The following ME1 variants were observed in gnomAD, a reference collection of about 807,000 sequenced individuals.
ME1 encodes NADP-dependent malic enzyme.
A neutral mutation model predicts 66.4 loss-of-function variants in ME1; 74 were observed. That is an observed-to-expected ratio of 1.11 (90% CI 0.92 to 1.35). ME1 has a LOEUF of 1.35. ME1 is among the 40% of genes most tolerant of loss of function. ME1 has a pLI of 0.00. For missense variants in ME1, 750 were observed against 694.1 expected, an observed-to-expected ratio of 1.08 and a Z score of -0.90; for synonymous variants, 251 against 235.6, an observed-to-expected ratio of 1.07 and a Z score of -0.60.
intron 4 of ME1, among the ~76,000 whole-genome samples, chr6:83,350,618 G>T (rs1768781232): frequency 6.6e-6 from 1 of 151,850 alleles, no homozygotes; most frequent in Admixed American, 6.6e-5. Context: ...CCAAGTAGCT[G>T]GGACTACAGG....
intron 5 of ME1, among the ~76,000 whole-genome samples, chr6:83,315,872 G>A (rs1167071196): frequency 6.6e-6 from 1 of 151,898 alleles, no homozygotes; most frequent in Admixed American, 6.6e-5. Context: ...ACTCCAGCCT[G>A]GGCAACAGAA....
At chr6:83,262,201 G>A (rs1766912776) in intron 6 of ME1, among the ~76,000 whole-genome samples, 2 of 152,106 alleles carry the variant, frequency 1.3e-5, no homozygotes. Context: ...GGGGAGATGA[G>A]TATGTGAAAG....
chr6:83,322,215 C>G (rs1035214087), intron 5 of ME1, among the ~76,000 whole-genome samples: 3 of 152,144 alleles, frequency 2.0e-5, no homozygotes, highest in African/African-American at 7.2e-5. Context: ...CACAAAAAGG[C>G]TGAAAATTCC....
At chr6:83,407,129 T>C (rs567542454) in intron 2 of ME1, among the ~76,000 whole-genome samples, 1 of 152,142 alleles carries the variant, frequency 6.6e-6, no homozygotes, top group Admixed American at 6.6e-5. Flanking sequence ...GCTGTTGTTC[T>C]CTCTAATCCA....
At chr6:83,298,103 G>T (rs1340408757) in intron 6 of ME1, among the ~76,000 whole-genome samples, 1 of 152,136 alleles carries the variant, frequency 6.6e-6, no homozygotes, top group East Asian at 1.9e-4. Flanking sequence ...GGGTCAAATG[G>T]TTTTTCTGGT....
chr6:83,298,742 A>G (rs1767650388), intron 6 of ME1, among the ~76,000 whole-genome samples: 1 of 151,778 alleles, frequency 6.6e-6, no homozygotes. Context: ...TAATTTTTGT[A>G]TAATGTGTAA....
intron 3 of ME1, among the ~76,000 whole-genome samples, chr6:83,397,838 G>A (rs916083244): frequency 6.6e-6 from 1 of 152,158 alleles, no homozygotes; most frequent in Non-Finnish European, 1.5e-5. Context: ...CAATACAGAT[G>A]AACCTTTAGG....
intron 7 of ME1, among the ~76,000 whole-genome samples, chr6:83,249,232 T>C (rs931229887): frequency 6.6e-6 from 1 of 151,854 alleles, no homozygotes; most frequent in Non-Finnish European, 1.5e-5. Flanking sequence ...TTATTATATA[T>C]ATACTTTTTT....
intron 3 of ME1, among the ~76,000 whole-genome samples, chr6:83,366,412 T>A (rs780939274): frequency 6.6e-6 from 1 of 152,130 alleles, no homozygotes; most frequent in African/African-American, 2.4e-5. Flanking sequence ...ATTTTTCACT[T>A]TCTTATATGT....
chr6:83,235,420 T>C (rs899168881), intron 9 of ME1, among the ~76,000 whole-genome samples: 4 of 151,884 alleles, frequency 2.6e-5, no homozygotes, highest in African/African-American at 9.7e-5. Flanking sequence ...TGTCACATGA[T>C]GACAGTGTAC....
intron 6 of ME1, among the ~76,000 whole-genome samples, chr6:83,277,050 T>C (rs1417206772): frequency 2.0e-5 from 3 of 152,366 alleles, no homozygotes; most frequent in South Asian, 4.1e-4. Context: ...TGTATTGAAG[T>C]AAACTGCATC....
intron 11 of ME1, 122 bp downstream of exon 11, chr6:83,227,213 T>C: frequency 1.9e-6 from 1 of 529,964 alleles, no homozygotes; most frequent in Non-Finnish European, 3.0e-6. Flanking sequence ...ATTTGTGTGC[T>C]TTTCTTTCCA....
At chr6:83,300,579 A>ATAT (rs1767695215) in intron 6 of ME1, among the ~76,000 whole-genome samples, 1 of 145,668 alleles carries the variant, frequency 6.9e-6, no homozygotes, top group Non-Finnish European at 1.5e-5. Context: ...ACATCAACAA[A>ATAT]TATTTTTCTT....
chr6:83,231,110 A>G (rs1179943716), intron 9 of ME1, among the ~76,000 whole-genome samples: 1 of 152,206 alleles, frequency 6.6e-6, no homozygotes, highest in Non-Finnish European at 1.5e-5. Context: ...TGGAAGTCAC[A>G]GCTTTTTTGG....
chr6:83,339,837 G>A (rs1768540207), intron 5 of ME1, among the ~76,000 whole-genome samples: 1 of 114,870 alleles, frequency 8.7e-6, no homozygotes, highest in Non-Finnish European at 1.8e-5. Flanking sequence ...GGGGGAGGGG[G>A]GAGGGATAGC....
At chr6:83,268,668 C>T (rs954534374) in intron 6 of ME1, among the ~76,000 whole-genome samples, 3 of 151,836 alleles carry the variant, frequency 2.0e-5, no homozygotes, top group Admixed American at 6.6e-5. Flanking sequence ...CGGGCTCAAG[C>T]GATCCTCCAG....
intron 3 of ME1, among the ~76,000 whole-genome samples, chr6:83,390,636 T>C (rs1661726232): frequency 6.6e-6 from 1 of 152,146 alleles, no homozygotes; most frequent in Non-Finnish European, 1.5e-5. Flanking sequence ...AATTGCAATA[T>C]GACAGAAAAC....
intron 6 of ME1, among the ~76,000 whole-genome samples, chr6:83,280,553 TA>T (rs1767267923): frequency 6.6e-6 from 1 of 152,218 alleles, no homozygotes; most frequent in South Asian, 2.1e-4. Context: ...TTAAATGAAT[TA>T]ACTTCTTACT....
intron 3 of ME1, among the ~76,000 whole-genome samples, chr6:83,389,061 G>C (rs1442241756): frequency 6.6e-6 from 1 of 152,144 alleles, no homozygotes; most frequent in Non-Finnish European, 1.5e-5. Context: ...AGAGGTTGCA[G>C]TGAGCAGAGA....
Sources: allele counts gnomAD v4.1 joint callset (sites outside exome capture counted in the v4.1 genomes callset), GRCh38; gene constraint gnomAD v4.1.1; transcripts MANE v1.5; gene names NCBI Gene and HGNC (gene_info 2026-07-23, HGNC 2026-07-21).